The following HAT1 variants were observed in gnomAD, a reference collection of about 807,000 sequenced individuals.
The protein encoded by HAT1 is histone acetyltransferase type B catalytic subunit.
HAT1 carries 20 observed loss-of-function variants against 56.6 expected under a neutral mutation model. The observed-to-expected ratio is 0.35, with a 90% CI of 0.25 to 0.51. The LOEUF (loss-of-function observed/expected upper bound fraction) is 0.51. HAT1 is among the 20% of genes least tolerant of loss of function. The probability of loss-of-function intolerance (pLI) is 0.95; values close to 1 mark genes in which losing one functional copy is unlikely to be tolerated. For missense variants in HAT1, 408 were observed against 504.3 expected, an observed-to-expected ratio of 0.81 and a Z score of 1.83; for synonymous variants, 146 against 165.5, an observed-to-expected ratio of 0.88 and a Z score of 0.91.
At position 171,933,741 on chromosome 2, in the gene HAT1, A is replaced by C. The variant is rs1053974003; in HGVS notation, c.112+8100A>C. Among the ~76,000 whole-genome samples, 6 of 152,272 alleles carry C rather than the reference A, an allele frequency of 3.9e-5. No individual in the cohort carries two copies. The East Asian group carries it at 1.2e-3, about 29-fold the overall frequency. ...TCTTATTGTCACTGATTTCTGAATT[A>C]GTTCTGTCAAGGTCAGACAATATAG... On this transcript the variant is annotated intron_variant, in intron 2 of 10. Coordinates refer to ENST00000264108, the MANE Select transcript of HAT1 (RefSeq NM_003642.4).
intron 4 of HAT1, among the ~76,000 whole-genome samples, chr2:171,963,653 A>G (rs1200803598): frequency 1.3e-5 from 2 of 152,208 alleles, no homozygotes; most frequent in East Asian, 1.9e-4. Context: ...CTAACATACT[A>G]TACTGTTTTA....
intron 9 of HAT1, among the ~76,000 whole-genome samples, chr2:171,977,543 ATATATATATATATATTT>A (rs1296338518): frequency 3.6e-4 from 5 of 13,846 alleles, no homozygotes; most frequent in African/African-American, 9.8e-4. Context: ...ATATATATAT[ATATATATATATATATTT>A]TTTTTTTTTT....
At chr2:171,957,675 A>T (rs1002288357) in intron 4 of HAT1, among the ~76,000 whole-genome samples, 1 of 152,256 alleles carries the variant, frequency 6.6e-6, no homozygotes, top group Non-Finnish European at 1.5e-5. Context: ...GAGGGCCTTA[A>T]GAAAATTATA....
At position 171,953,006 on chromosome 2, in the gene HAT1, G is replaced by T; in HGVS notation, c.309+5G>T. On this transcript the variant is annotated splice_donor_5th_base_variant and intron_variant, in intron 4 of 10. Transcript: ENST00000264108. Reference sequence around the variant, plus strand: ...GAGAACTTTGACTGTGTAGAGGTAAGAACAGAAATACTTTTTAAACTGTTT... The same window carrying T: ...GAGAACTTTGACTGTGTAGAGGTAATAACAGAAATACTTTTTAAACTGTTT... 3 of 1,555,794 alleles carry T rather than the reference G, an allele frequency of 1.9e-6. No homozygotes were observed. The highest frequency in any genetic ancestry group is 2.6e-6 in the Non-Finnish European group (3 of 1,147,224).
chr2:171,956,178 TAAAAAAAA>T (rs71013096), intron 4 of HAT1, among the ~76,000 whole-genome samples: 110 of 92,838 alleles, frequency 1.2e-3, no homozygotes, highest in African/African-American at 4.7e-3. Flanking sequence ...ACCCTGTCTT[TAAAAAAAA>T]AAAAAAAAAA....
intron 4 of HAT1, among the ~76,000 whole-genome samples, chr2:171,960,088 C>T (rs1687538376): frequency 6.6e-6 from 1 of 152,082 alleles, no homozygotes; most frequent in Admixed American, 6.6e-5. Context: ...GAGTAGTTGG[C>T]ATTCTTTAGA....
intron 10 of HAT1, among the ~76,000 whole-genome samples, chr2:171,981,092 C>G (rs1294751375): frequency 6.6e-6 from 1 of 151,764 alleles, no homozygotes; most frequent in African/African-American, 2.4e-5. Flanking sequence ...ATTGCTTGAA[C>G]CTGGGAGGCA....
intron 2 of HAT1, among the ~76,000 whole-genome samples, chr2:171,935,515 CAAAAAAAAAAAA>C (rs56220004): frequency 3.6e-5 from 2 of 55,652 alleles, no homozygotes; most frequent in Admixed American, 2.3e-4. Context: ...AACTCCATCT[CAAAAAAAAAAAA>C]AAAAAAAAAA....
At chr2:171,958,981 T>TTTTTTTTTTTTGTG (rs1012991925) in intron 4 of HAT1, among the ~76,000 whole-genome samples, 1 of 152,218 alleles carries the variant, frequency 6.6e-6, no homozygotes, top group African/African-American at 2.4e-5. Context: ...TGAGTTCTAT[T>TTTTTTTTTTTTGTG]TGGTTTTTTT....
chr2:171,973,721 G>A (rs983779031), intron 8 of HAT1, among the ~76,000 whole-genome samples: 12 of 152,116 alleles, frequency 7.9e-5, no homozygotes, highest in African/African-American at 1.9e-4. Context: ...TCTAACTAAC[G>A]CCTGATGACT....
chr2:171,937,260 T>A (rs1296836230), intron 2 of HAT1, among the ~76,000 whole-genome samples: 1 of 152,254 alleles, frequency 6.6e-6, no homozygotes, highest in Non-Finnish European at 1.5e-5. Context: ...TTTTGGTTAA[T>A]AAGACATGTA....
intron 2 of HAT1, among the ~76,000 whole-genome samples, chr2:171,943,141 C>T (rs1350964883): frequency 6.6e-6 from 1 of 150,978 alleles, no homozygotes; most frequent in African/African-American, 2.4e-5. Context: ...GGTGGCTTTG[C>T]CTGTAATCCC....
rs766013089 is a variant in HAT1 at position 171,953,011 on chromosome 2, GA to G, written c.309+13del. 2 of 1,548,258 alleles carry G rather than the reference GA, an allele frequency of 1.3e-6. No homozygotes were observed. Among genetic ancestry groups the G allele is most frequent in the African/African-American group, 2.8e-5 (2 of 72,152 alleles). On this transcript the variant is annotated intron_variant, in intron 4 of 10. Coordinates refer to ENST00000264108, the MANE Select transcript of HAT1 (RefSeq NM_003642.4). The stretch of plus-strand genomic sequence containing the variant: ...CTTTGACTGTGTAGAGGTAAGAACA[GA>G]AATACTTTTTAAACTGTTTTCCAAT...
intron 2 of HAT1, among the ~76,000 whole-genome samples, chr2:171,941,446 A>G (rs1327271288): frequency 1.3e-5 from 2 of 151,994 alleles, no homozygotes; most frequent in Non-Finnish European, 2.9e-5. Context: ...GGGTTTTGAT[A>G]TGAGTCTGCA....
chr2:171,965,256 G>T, intron 4 of HAT1, 82 bp from the exon 5 acceptor site: 1 of 804,924 alleles, frequency 1.2e-6, no homozygotes, highest in South Asian at 2.0e-5. Flanking sequence ...ATTTGTGTTG[G>T]TTTTGTCAGT....
At chr2:171,922,735 C>A (rs1179403671) in intron 1 of HAT1, 3 of 399,004 alleles carry the variant, frequency 7.5e-6, no homozygotes, top group African/African-American at 4.1e-5. Flanking sequence ...TGCCAGCAAT[C>A]CGGCCCCTAC....
At chr2:171,981,857 CA>C (rs977267896) in intron 10 of HAT1, among the ~76,000 whole-genome samples, 11 of 151,960 alleles carry the variant, frequency 7.2e-5, no homozygotes, top group African/African-American at 2.7e-4. Context: ...TGGTATTTTC[CA>C]AAGGTTTTGA....
chr2:171,942,250 A>G (rs538668991), intron 2 of HAT1, among the ~76,000 whole-genome samples: 1 of 152,260 alleles, frequency 6.6e-6, no homozygotes, highest in African/African-American at 2.4e-5. Context: ...TCAGTTTTTT[A>G]TACTGTATAT....
In HAT1 at chr2:171,976,201, C is replaced by T. The variant is rs1415264568; in HGVS notation, c.868C>T (p.Leu290Phe). ...KSYVKLRDFV[L>F]VKLCQDLPCF... ...CTATGTGAAATTACGAGACTTTGTG[C>T]TTGTGAAGCTTTGTCAAGATTTGCC... is the stretch of plus-strand genomic sequence containing the variant. Residue 290 changes from leucine to phenylalanine, a missense_variant, in exon 9 of 11, where the codon CTT becomes TTT. Physicochemically the swap from Leu to Phe is conservative, Grantham distance 22. Coordinates refer to ENST00000264108, the MANE Select transcript of HAT1 (RefSeq NM_003642.4). 6.3e-7 allele frequency: 1 copy of T among 1,595,228 alleles called. No homozygotes were observed. Among genetic ancestry groups the T allele is most frequent in the Non-Finnish European group, 8.5e-7 (1 of 1,169,662 alleles).
Sources: allele counts gnomAD v4.1 joint callset (sites outside exome capture counted in the v4.1 genomes callset), GRCh38; gene constraint gnomAD v4.1.1; transcripts MANE v1.5; gene names NCBI Gene and HGNC (gene_info 2026-07-23, HGNC 2026-07-21).